COMMD10: variants seen among roughly 807,000 people sequenced by gnomAD.
The protein encoded by COMMD10 is COMM domain containing 10, also known as COMM domain-containing protein 10.
In COMMD10, 33 loss-of-function variants were observed where a neutral mutation model predicts 28.9. The observed-to-expected ratio is 1.14, with a 90% CI of 0.87 to 1.53. The LOEUF (loss-of-function observed/expected upper bound fraction) is 1.53, where lower values mean the gene tolerates loss of function less well. Ranked by LOEUF, COMMD10 falls within the 40% of genes most tolerant of loss-of-function variation. COMMD10 has a pLI of 0.00. For missense variants in COMMD10, 310 were observed against 233.4 expected, an observed-to-expected ratio of 1.33 and a Z score of -2.14; for synonymous variants, 110 against 81.7, an observed-to-expected ratio of 1.35 and a Z score of -1.87.
chr5:116,226,645 G>A (rs1025232044), intron 5 of COMMD10, among the ~76,000 whole-genome samples: 1 of 136,200 alleles, frequency 7.3e-6, no homozygotes, highest in African/African-American at 3.3e-5. Flanking sequence ...ACCAAGCCCT[G>A]TAGTAACACA....
chr5:116,122,649 T>C (rs375059615), intron 4 of COMMD10, among the ~76,000 whole-genome samples: 8 of 152,264 alleles, frequency 5.3e-5, no homozygotes, highest in South Asian at 4.1e-4. Flanking sequence ...TGTCCTCTTT[T>C]ATTTCATTGA....
At chr5:116,135,173 G>C (rs1751991320) in intron 5 of COMMD10, among the ~76,000 whole-genome samples, 1 of 152,086 alleles carries the variant, frequency 6.6e-6, no homozygotes, top group Non-Finnish European at 1.5e-5. Flanking sequence ...AGACAAAATA[G>C]AATTGAGAAT....
intron 5 of COMMD10, among the ~76,000 whole-genome samples, chr5:116,222,856 T>C (rs1749298613): frequency 6.6e-6 from 1 of 152,046 alleles, no homozygotes; most frequent in Non-Finnish European, 1.5e-5. Flanking sequence ...CACGCCTGGC[T>C]AATTTTTTGT....
intron 5 of COMMD10, among the ~76,000 whole-genome samples, chr5:116,185,479 C>T (rs931650888): frequency 3.3e-5 from 5 of 151,912 alleles, no homozygotes; most frequent in Non-Finnish European, 7.4e-5. Flanking sequence ...CAGTCTATTT[C>T]TTGGCTTTCC....
At position 116,110,814 on chromosome 5, in the gene COMMD10, T is replaced by G. The variant is rs1310047618; in HGVS notation, c.399+18114T>G. Among the ~76,000 whole-genome samples the G allele has an allele frequency of 2.0e-5, 3 of 150,134 alleles. 1 individual carries two copies. Among genetic ancestry groups the G allele is most frequent in the Non-Finnish European group, 4.4e-5 (3 of 67,686 alleles). ...AGGAACAAGAGAGGAAGGGGGGAGG[T>G]GCTACACACTTTTAAACCACCAGAT... On this transcript the variant is annotated intron_variant, in intron 4 of 6. Coordinates refer to ENST00000274458, the MANE Select transcript of COMMD10 (RefSeq NM_016144.4).
intron 5 of COMMD10, among the ~76,000 whole-genome samples, chr5:116,253,274 T>C (rs1383197273): frequency 4.6e-5 from 6 of 131,660 alleles, no homozygotes; most frequent in African/African-American, 1.8e-4. Flanking sequence ...TTTTCCTAAT[T>C]GAATACCCTT....
intron 5 of COMMD10, among the ~76,000 whole-genome samples, chr5:116,281,461 C>T (rs1047457223): frequency 6.6e-6 from 1 of 151,672 alleles, no homozygotes; most frequent in Non-Finnish European, 1.5e-5. Flanking sequence ...TTAATCTTTG[C>T]ACTTTCATTT....
chr5:116,282,518 A>G (rs1751099173), intron 5 of COMMD10, among the ~76,000 whole-genome samples: 2 of 151,948 alleles, frequency 1.3e-5, no homozygotes, highest in Admixed American at 1.3e-4. Flanking sequence ...GATCTCTTTT[A>G]TCTATCCCAG....
Position 116,196,935 on chromosome 5 carries a change from G to A in COMMD10, c.510+62757G>A, listed in dbSNP as rs1033656633. 2.2e-4 allele frequency among the ~76,000 whole-genome samples: 33 copies of A among 152,092 alleles called. 1 individual carries two copies. Among genetic ancestry groups the A allele is most frequent in the South Asian group, 4.2e-4 (2 of 4,818 alleles). ...ATGATTTACTAAATTAAGCTTAGGA[G>A]CATTTCTGTCGATGTATTCCTATCT... On this transcript the variant is annotated intron_variant, in intron 5 of 6. Coordinates refer to ENST00000274458, the MANE Select transcript of COMMD10 (RefSeq NM_016144.4).
chr5:116,136,062 T>G (rs1752017460), intron 5 of COMMD10, among the ~76,000 whole-genome samples: 1 of 152,204 alleles, frequency 6.6e-6, no homozygotes, highest in Non-Finnish European at 1.5e-5. Flanking sequence ...CAATAAAACT[T>G]TTTTGTTTTT....
chr5:116,184,003 G>C (rs532674679), intron 5 of COMMD10, among the ~76,000 whole-genome samples: 2 of 152,014 alleles, frequency 1.3e-5, no homozygotes, highest in African/African-American at 4.8e-5. Context: ...TCAGTCATCC[G>C]TTAAGGGTTA....
intron 5 of COMMD10, among the ~76,000 whole-genome samples, chr5:116,254,046 C>A (rs1293442483): frequency 6.6e-6 from 1 of 152,010 alleles, no homozygotes; most frequent in Non-Finnish European, 1.5e-5. Flanking sequence ...GTGTCAAGGA[C>A]TTTATCCATT....
intron 4 of COMMD10, among the ~76,000 whole-genome samples, chr5:116,132,101 G>T (rs2112769958): frequency 6.6e-6 from 1 of 152,110 alleles, no homozygotes; most frequent in Non-Finnish European, 1.5e-5. Context: ...CCAGTTAGAA[G>T]ACTATTGTGA....
At chr5:116,217,680 G>C (rs2112640509) in intron 5 of COMMD10, among the ~76,000 whole-genome samples, 1 of 152,296 alleles carries the variant, frequency 6.6e-6, no homozygotes, top group Non-Finnish European at 1.5e-5. Context: ...GATGGGAAGG[G>C]AGAAGAGAGA....
intron 5 of COMMD10, among the ~76,000 whole-genome samples, chr5:116,139,960 C>T (rs1026825324): frequency 5.3e-5 from 8 of 151,750 alleles, no homozygotes; most frequent in African/African-American, 1.9e-4. Context: ...TAATTATAGT[C>T]CTGATGCTGT....
chr5:116,126,612 A>G (rs1751652265), intron 4 of COMMD10, among the ~76,000 whole-genome samples: 1 of 151,414 alleles, frequency 6.6e-6, no homozygotes, highest in South Asian at 2.1e-4. Context: ...GCCCTTGGAA[A>G]TAATACCACA....
At position 116,272,900 on chromosome 5, in the gene COMMD10, C is replaced by T. The variant is rs115762862; in HGVS notation, c.511-18617C>T. ...GGGCATGAACAAGATTATTTTTTTCCTCTCAAATGGATGTGGATGGTCTGT... is the reference window on the plus strand; with the variant it reads ...GGGCATGAACAAGATTATTTTTTTCTTCTCAAATGGATGTGGATGGTCTGT... On this transcript the variant is annotated intron_variant, in intron 5 of 6. Coordinates refer to ENST00000274458, the MANE Select transcript of COMMD10 (RefSeq NM_016144.4). Among the ~76,000 whole-genome samples, 743 of 151,858 alleles carry T rather than the reference C, an allele frequency of 4.9e-3. 19 individuals carry two copies. Among genetic ancestry groups the T allele is most frequent in the African/African-American group, 0.015 (633 of 41,274 alleles).
At chr5:116,193,763 C>G (rs1451214569) in intron 5 of COMMD10, among the ~76,000 whole-genome samples, 1 of 152,094 alleles carries the variant, frequency 6.6e-6, no homozygotes, top group Non-Finnish European at 1.5e-5. Flanking sequence ...GACAGGTCAT[C>G]AAGACAAAGT....
chr5:116,175,815 G>C (rs1753490564), intron 5 of COMMD10, among the ~76,000 whole-genome samples: 2 of 152,106 alleles, frequency 1.3e-5, no homozygotes, highest in Admixed American at 6.6e-5. Context: ...GAGGTACATA[G>C]AGCGGTCAAA....
Sources: allele counts gnomAD v4.1 joint callset (sites outside exome capture counted in the v4.1 genomes callset), GRCh38; gene constraint gnomAD v4.1.1; transcripts MANE v1.5; gene names NCBI Gene and HGNC (gene_info 2026-07-23, HGNC 2026-07-21).